The following MYO16 variants were observed in gnomAD, a reference collection of about 807,000 sequenced individuals.
MYO16 encodes unconventional myosin-XVI.
In MYO16, 94 loss-of-function variants were observed where a neutral mutation model predicts 205.3. That is an observed-to-expected ratio of 0.46 (90% CI 0.39 to 0.54). MYO16 has a LOEUF of 0.54. MYO16 is among the 20% of genes least tolerant of loss of function. The pLI is 0.00. For synonymous variants in MYO16, 988 were observed against 954.0 expected, an observed-to-expected ratio of 1.04 and a Z score of -0.66; for missense variants, 2,315 against 2,387.5, an observed-to-expected ratio of 0.97 and a Z score of 0.63.
chr13:108,847,697 C>T lies in MYO16; in HGVS notation c.1248+3204C>T, dbSNP rs181604709. Among the ~76,000 whole-genome samples, 262 of 151,294 alleles carry T rather than the reference C, an allele frequency of 1.7e-3. 2 individuals are homozygous for T. Among genetic ancestry groups the T allele is most frequent in the African/African-American group, 6.1e-3 (250 of 41,184 alleles). On this transcript the variant is annotated intron_variant, in intron 10 of 34. Transcript: ENST00000457511. ...TTGACATTTTATTTTTTTTAATTTC[C>T]GAGAACCACTAAAATTAACATTTGT...
At chr13:108,904,611 A>G (rs1880870526) in intron 15 of MYO16, among the ~76,000 whole-genome samples, 1 of 152,208 alleles carries the variant, frequency 6.6e-6, no homozygotes, top group Admixed American at 6.5e-5. Flanking sequence ...GATTATATGT[A>G]ACATAACATG....
chr13:108,998,965 A>G (rs1885126886), intron 21 of MYO16, among the ~76,000 whole-genome samples: 2 of 152,214 alleles, frequency 1.3e-5, no homozygotes, highest in Admixed American at 6.5e-5. Context: ...CAGAGGTCAC[A>G]TAGTATTACT....
intron 20 of MYO16, among the ~76,000 whole-genome samples, chr13:108,990,864 C>T (rs1884805779): frequency 6.6e-6 from 1 of 152,038 alleles, no homozygotes; most frequent in African/African-American, 2.4e-5. Context: ...ATTATAGACC[C>T]TCATGGATTA....
At chr13:109,042,277 A>G (rs1306038939) in intron 23 of MYO16, among the ~76,000 whole-genome samples, 2 of 152,200 alleles carry the variant, frequency 1.3e-5, no homozygotes, top group Admixed American at 1.3e-4. Flanking sequence ...GGAAAAGAAA[A>G]GTATTTGTGC....
At chr13:108,667,917 G>A (rs550788102) in intron 2 of MYO16, among the ~76,000 whole-genome samples, 1 of 152,170 alleles carries the variant, frequency 6.6e-6, no homozygotes, top group African/African-American at 2.4e-5. Context: ...ACCTGGTGGT[G>A]CATGCCCAGC....
chr13:108,931,936 G>T (rs1882275109), intron 16 of MYO16, among the ~76,000 whole-genome samples: 1 of 151,988 alleles, frequency 6.6e-6, no homozygotes, highest in Non-Finnish European at 1.5e-5. Context: ...TTTCTTTTGA[G>T]ATTCCTTTTA....
chr13:108,590,856 C>T, the MYO16 span, among the ~76,000 whole-genome samples: 1 of 152,136 alleles, frequency 6.6e-6, no homozygotes, highest in Non-Finnish European at 1.5e-5. Flanking sequence ...CAACCTCACC[C>T]CCTTGATTTC....
chr13:109,019,941 T>C lies in MYO16; in HGVS notation c.2796+30T>C, dbSNP rs376757395. 99 of 1,598,448 alleles carry C rather than the reference T, an allele frequency of 6.2e-5. 1 individual carries two copies. In the African/African-American group the frequency reaches 1.2e-3, roughly 20 times the overall value. On this transcript the variant is annotated intron_variant, in intron 23 of 34. Coordinates refer to ENST00000457511, the MANE Select transcript of MYO16 (RefSeq NM_001198950.3). ...GTGGCCAGAACTGCATAATTTTTCA[T>C]GTGCACTAATGATCAAAGGTCCTTG...
At chr13:108,947,620 C>T (rs1275129505) in intron 16 of MYO16, among the ~76,000 whole-genome samples, 3 of 152,186 alleles carry the variant, frequency 2.0e-5, no homozygotes, top group Non-Finnish European at 2.9e-5. Flanking sequence ...GTTCAGGCTG[C>T]GGTCAGCCCC....
chr13:109,189,887 C>T (rs1337925225), intron 34 of MYO16, among the ~76,000 whole-genome samples: 1 of 151,464 alleles, frequency 6.6e-6, no homozygotes, highest in Non-Finnish European at 1.5e-5. Flanking sequence ...TCATTCTCTA[C>T]GTTTTGATTC....
At chr13:108,527,110 G>T in the MYO16 span, among the ~76,000 whole-genome samples, 288 of 152,254 alleles carry the variant, frequency 1.9e-3, no homozygotes, top group African/African-American at 6.7e-3. Context: ...TGACAAAATG[G>T]TTCATAACTC....
intron 2 of MYO16, among the ~76,000 whole-genome samples, chr13:108,683,652 G>T (rs936814883): frequency 6.6e-6 from 1 of 152,094 alleles, no homozygotes; most frequent in African/African-American, 2.4e-5. Context: ...CTTCTCAATT[G>T]AAAATTATTC....
chr13:108,507,135 A>G, the MYO16 span, among the ~76,000 whole-genome samples: 1 of 152,114 alleles, frequency 6.6e-6, no homozygotes, highest in Non-Finnish European at 1.5e-5. Flanking sequence ...TGTATCCTTG[A>G]CTTAAAATAT....
At chr13:108,764,821 T>C (rs1885725857) in intron 4 of MYO16, among the ~76,000 whole-genome samples, 1 of 152,162 alleles carries the variant, frequency 6.6e-6, no homozygotes, top group African/African-American at 2.4e-5. Context: ...CCCCAGAAAA[T>C]CGTTCGCTTG....
chr13:108,947,140 A>G (rs1188078407), intron 16 of MYO16, among the ~76,000 whole-genome samples: 3 of 152,180 alleles, frequency 2.0e-5, no homozygotes, highest in Non-Finnish European at 4.4e-5. Context: ...ATAAACTATA[A>G]TATTTGCATA....
At chr13:108,822,519 C>T (rs756356726) in intron 8 of MYO16, among the ~76,000 whole-genome samples, 2 of 152,102 alleles carry the variant, frequency 1.3e-5, no homozygotes, top group Non-Finnish European at 2.9e-5. Flanking sequence ...TTAGTATAAA[C>T]TTGATTGATA....
At chr13:109,058,581 T>G (rs1260061672) in intron 27 of MYO16, among the ~76,000 whole-genome samples, 1 of 152,172 alleles carries the variant, frequency 6.6e-6, no homozygotes, top group Non-Finnish European at 1.5e-5. Flanking sequence ...TTTAAAATAT[T>G]TTTTGCTAAC....
intron 10 of MYO16, among the ~76,000 whole-genome samples, chr13:108,850,765 G>A (rs566342687): frequency 9.2e-4 from 140 of 152,244 alleles, no homozygotes; most frequent in Non-Finnish European, 1.5e-3. Context: ...GAATCTTGAC[G>A]TGAGAAATGC....
At chr13:109,064,706 C>T (rs1887691983) in intron 27 of MYO16, among the ~76,000 whole-genome samples, 1 of 152,102 alleles carries the variant, frequency 6.6e-6, no homozygotes, top group South Asian at 2.1e-4. Flanking sequence ...AAAAAAAAGG[C>T]TGAATGAGTG....
Sources: allele counts gnomAD v4.1 joint callset (sites outside exome capture counted in the v4.1 genomes callset), GRCh38; gene constraint gnomAD v4.1.1; transcripts MANE v1.5; gene names NCBI Gene and HGNC (gene_info 2026-07-23, HGNC 2026-07-21).